DCX: variants seen among roughly 807,000 people sequenced by gnomAD.
The protein encoded by DCX is doublecortin, also known as neuronal migration protein doublecortin.
In DCX, 4 loss-of-function variants were observed where a neutral mutation model predicts 20.9. That is an observed-to-expected ratio of 0.19 (90% CI 0.09 to 0.44). The LOEUF (loss-of-function observed/expected upper bound fraction) is 0.44. Among genes scored for constraint, DCX ranks in the 20% least tolerant of loss-of-function variants. The probability of loss-of-function intolerance (pLI) is 0.99; values close to 1 mark genes in which losing one functional copy is unlikely to be tolerated. For missense variants in DCX, 133 were observed against 296.9 expected, an observed-to-expected ratio of 0.45 and a Z score of 4.06; for synonymous variants, 103 against 111.4, an observed-to-expected ratio of 0.92 and a Z score of 0.47.
chrX:111,306,994 G>A (rs1287161147), intron 6 of DCX, among the ~76,000 whole-genome samples: 1 of 110,730 alleles, frequency 9.0e-6, no homozygotes, highest in African/African-American at 3.3e-5. Flanking sequence ...GGTTGCCAGG[G>A]GTTGGATGAA....
intron 3 of DCX, among the ~76,000 whole-genome samples, chrX:111,398,358 AG>A (rs905858841): frequency 9.1e-6 from 1 of 109,845 alleles, no homozygotes; most frequent in Admixed American, 9.7e-5. Flanking sequence ...AAAAAAAAAA[AG>A]GTTTGGATTG....
At chrX:111,357,314 C>A (rs749272557) in intron 3 of DCX, among the ~76,000 whole-genome samples, 53 of 111,882 alleles carry the variant, frequency 4.7e-4, no homozygotes, top group African/African-American at 1.7e-3. Flanking sequence ...ATCACACTGT[C>A]CCCTGAAGAA....
intron 3 of DCX, among the ~76,000 whole-genome samples, chrX:111,370,583 T>A (rs1211422937): frequency 1.8e-5 from 2 of 111,622 alleles, no homozygotes; most frequent in Non-Finnish European, 3.8e-5. Flanking sequence ...GGGACAGTTC[T>A]GTGCATATCA....
intron 5 of DCX, among the ~76,000 whole-genome samples, chrX:111,324,840 C>A (rs371557400): frequency 9.0e-6 from 1 of 111,645 alleles, no homozygotes; most frequent in South Asian, 3.8e-4. Flanking sequence ...GGGTACTTTG[C>A]ACATTCAGTT....
intron 3 of DCX, among the ~76,000 whole-genome samples, chrX:111,343,491 A>T (rs187038783): frequency 3.2e-4 from 35 of 109,619 alleles, no homozygotes; most frequent in African/African-American, 1.1e-3. Flanking sequence ...TCACAGCCAA[A>T]TTCTACAAGA....
intron 5 of DCX, among the ~76,000 whole-genome samples, chrX:111,327,387 T>A (rs1462585286): frequency 8.9e-6 from 1 of 111,969 alleles, no homozygotes; most frequent in Non-Finnish European, 1.9e-5. Context: ...CTAAAAAAAA[T>A]TGACATTTTA....
intron 5 of DCX, 58 bp from the exon 6 acceptor site, chrX:111,312,794 G>T (rs1319646299): frequency 2.8e-6 from 3 of 1,079,217 alleles, no homozygotes; most frequent in Non-Finnish European, 3.9e-6. Context: ...AAAGGAGCAA[G>T]TTATCCTTCC....
chrX:111,369,913 G>C (rs1461153150), intron 3 of DCX, among the ~76,000 whole-genome samples: 2 of 111,454 alleles, frequency 1.8e-5, no homozygotes, highest in Non-Finnish European at 3.8e-5. Context: ...TAGAGCTATA[G>C]GCAATTTGTC....
At chrX:111,319,689 G>C (rs927999548) in intron 5 of DCX, among the ~76,000 whole-genome samples, 1 of 112,209 alleles carries the variant, frequency 8.9e-6, no homozygotes, top group Admixed American at 9.4e-5. Flanking sequence ...CTGACCTGTC[G>C]CACTCAAGGT....
chrX:111,403,970 T>G (rs975343582), intron 2 of DCX, among the ~76,000 whole-genome samples: 2 of 109,477 alleles, frequency 1.8e-5, no homozygotes, highest in African/African-American at 6.6e-5. Context: ...CGCTTGAACC[T>G]GGGAGGCAGA....
intron 3 of DCX, among the ~76,000 whole-genome samples, chrX:111,379,615 T>C (rs1165633746): frequency 3.6e-5 from 4 of 112,063 alleles, no homozygotes; most frequent in African/African-American, 1.3e-4. Context: ...CATTCTTTCA[T>C]CGATGGGAAT....
At chrX:111,348,393 T>C (rs1338667805) in intron 3 of DCX, among the ~76,000 whole-genome samples, 1 of 111,981 alleles carries the variant, frequency 8.9e-6, no homozygotes, top group Non-Finnish European at 1.9e-5. Flanking sequence ...ACCAGCCTGA[T>C]TGGAAGGCTG....
At chrX:111,373,278 T>C (rs1925252965) in intron 3 of DCX, among the ~76,000 whole-genome samples, 3 of 111,693 alleles carry the variant, frequency 2.7e-5, no homozygotes, top group African/African-American at 9.8e-5. Context: ...CATTTAGATA[T>C]AGGGATGAAG....
chrX:111,296,060 G>A lies in DCX; in HGVS notation c.*5627C>T, dbSNP rs2095019946. 8.9e-6 allele frequency: 1 copy of A among 111,854 alleles called. No homozygotes were observed. Among genetic ancestry groups the A allele is most frequent in the African/African-American group, 3.3e-5 (1 of 30,711 alleles). 9.2% of individuals were successfully genotyped at this position (111,854 alleles called of 1,213,427 possible). A position where few individuals can be genotyped will look rare whatever the true frequency, so the allele number is the denominator to read the frequency against. On this transcript the variant is annotated 3_prime_UTR_variant, in exon 7 of 7. Coordinates refer to ENST00000636035, the MANE Select transcript of DCX (RefSeq NM_001195553.2). ...AAAAGTACAAATAAAGATAATAAGA[G>A]GGAGAGACAGAATTGCACAGGAGAA... is the stretch of plus-strand genomic sequence containing the variant.
intron 3 of DCX, among the ~76,000 whole-genome samples, chrX:111,334,382 C>T (rs1367721815): frequency 9.0e-6 from 1 of 111,545 alleles, no homozygotes; most frequent in Non-Finnish European, 1.9e-5. Flanking sequence ...GGGTCTTGAC[C>T]TCATCAAATT....
intron 3 of DCX, among the ~76,000 whole-genome samples, chrX:111,385,316 C>T (rs776217785): frequency 4.5e-5 from 5 of 112,212 alleles, no homozygotes; most frequent in African/African-American, 1.3e-4. Flanking sequence ...GTTTAAAAAA[C>T]CTATAGCTTG....
intron 3 of DCX, among the ~76,000 whole-genome samples, chrX:111,389,357 G>C (rs1926761785): frequency 9.0e-6 from 1 of 111,031 alleles, no homozygotes; most frequent in Non-Finnish European, 1.9e-5. Context: ...AATGTCTACA[G>C]GGCCTTTTCC....
At position 111,347,188 on chromosome X, in the gene DCX, A is replaced by C. The variant is rs758996308; in HGVS notation, c.706-14035T>G. On this transcript the variant is annotated intron_variant, in intron 3 of 6. Transcript: ENST00000636035. ...TTAAATCTTAGTTTCATAATTAAGG[A>C]TATTGCAATATAATAAGGTTATCTG... is the stretch of plus-strand genomic sequence containing the variant. Among the ~76,000 whole-genome samples the C allele has an allele frequency of 2.0e-4, 22 of 112,310 alleles. No individual in the cohort carries two copies. The South Asian group carries it at 4.1e-3, about 21-fold the overall frequency.
At chrX:111,340,362 G>A (rs1922113480) in intron 3 of DCX, among the ~76,000 whole-genome samples, 1 of 112,278 alleles carries the variant, frequency 8.9e-6, no homozygotes, top group African/African-American at 3.2e-5. Context: ...CTCAGGGGCA[G>A]AACTCTGATC....
Sources: allele counts gnomAD v4.1 joint callset (sites outside exome capture counted in the v4.1 genomes callset), GRCh38; gene constraint gnomAD v4.1.1; transcripts MANE v1.5; gene names NCBI Gene and HGNC (gene_info 2026-07-23, HGNC 2026-07-21).